CRISPLD1: variants seen among roughly 807,000 people sequenced by gnomAD.
CRISPLD1 encodes cysteine-rich secretory protein LCCL domain-containing 1.
In CRISPLD1, 60 loss-of-function variants were observed where a neutral mutation model predicts 77.5. The ratio of observed to expected loss-of-function variants is 0.77; its 90% CI spans 0.63 to 0.96. The LOEUF (loss-of-function observed/expected upper bound fraction) is 0.96. Among genes scored for constraint, CRISPLD1 ranks in the 40% least tolerant of loss-of-function variants. The probability of loss-of-function intolerance (pLI) is 0.00; values close to 1 mark genes in which losing one functional copy is unlikely to be tolerated. For missense variants in CRISPLD1, 623 were observed against 615.8 expected, an observed-to-expected ratio of 1.01 and a Z score of -0.12; for synonymous variants, 195 against 200.1, an observed-to-expected ratio of 0.97 and a Z score of 0.22.
At chr8:75,002,813 C>A (rs775914107) in intron 2 of CRISPLD1, among the ~76,000 whole-genome samples, 1 of 152,118 alleles carries the variant, frequency 6.6e-6, no homozygotes, top group Non-Finnish European at 1.5e-5. Flanking sequence ...TCTCGTGAGA[C>A]ATAGAACTTG....
Position 75,017,379 on chromosome 8 carries a change from G to A in CRISPLD1, c.1056G>A (p.Trp352Ter). Residue 352 changes from tryptophan to a stop codon, truncating the protein, a stop_gained, in exon 10 of 15, where the codon TGG becomes TGA. Coordinates refer to ENST00000262207, the MANE Select transcript of CRISPLD1 (RefSeq NM_031461.6). LOFTEE classifies it high-confidence loss of function. ...HYGIIDNDGG[W>*]VDITRQGRKH... is the part of the protein sequence containing the mutation. The stretch of plus-strand genomic sequence containing the variant: ...GTATAATAGACAATGATGGTGGCTG[G>A]GTAGATATCACTAGACAAGGAAGAA... 6.2e-7 allele frequency: 1 copy of A among 1,610,948 alleles called. No individual in the cohort carries two copies. The highest frequency in any genetic ancestry group is 8.5e-7 in the Non-Finnish European group (1 of 1,178,466).
rs1459934193 is a variant in CRISPLD1, at chr8:75,033,435, A to G, written c.*1193A>G. 1 of 151,974 alleles carries G rather than the reference A, an allele frequency of 6.6e-6. No individual in the cohort carries two copies. The highest frequency in any genetic ancestry group is 1.9e-4 in the East Asian group (1 of 5,198). The allele number at this position is 151,974 out of a possible 1,614,324, so 9.4% of individuals were successfully genotyped here. A position where few individuals can be genotyped will look rare whatever the true frequency, so the allele number is the denominator to read the frequency against. ...AAATAACATACAATACCAGATGTCT[A>G]CAAAATCGACCTGATTATTTAGGTA... On this transcript the variant is annotated 3_prime_UTR_variant, in exon 15 of 15. Transcript: ENST00000262207.
chr8:75,017,469 T>C lies in CRISPLD1; in HGVS notation c.1127+19T>C, dbSNP rs777720965. On this transcript the variant is annotated intron_variant, in intron 10 of 14. Transcript: ENST00000262207. ...CAATTGGGTAAGTACCAAAATAATC[T>C]TTTGGACCAGATAATTTTAAATTGT... 1.2e-5 allele frequency: 19 copies of C among 1,574,146 alleles called. No homozygotes were observed. In the East Asian group the frequency reaches 4.1e-4, roughly 34 times the overall value.
At chr8:75,015,592 A>G (rs1813013698) in intron 6 of CRISPLD1, among the ~76,000 whole-genome samples, 1 of 152,192 alleles carries the variant, frequency 6.6e-6, no homozygotes, top group South Asian at 2.1e-4. Context: ...TTTCTTGATG[A>G]CTAAAAGAGG....
At position 75,012,738 on chromosome 8, in the gene CRISPLD1, A is replaced by G. The variant is rs139618517; in HGVS notation, c.378-152A>G. On this transcript the variant is annotated intron_variant, in intron 3 of 14. Coordinates refer to ENST00000262207, the MANE Select transcript of CRISPLD1 (RefSeq NM_031461.6). ...TTTTAGACTTTAATGTAAATCATCAATTTATTAGTAATGTAAGGGGCATAA... is the reference window on the plus strand; with the variant it reads ...TTTTAGACTTTAATGTAAATCATCAGTTTATTAGTAATGTAAGGGGCATAA... 4.2e-3 allele frequency: 3,597 copies of G among 858,312 alleles called. 111 individuals are homozygous for G. The East Asian group carries it at 0.059, about 14-fold the overall frequency. 53.2% of individuals were successfully genotyped at this position (858,312 alleles called of 1,614,324 possible). A position where few individuals can be genotyped will look rare whatever the true frequency, so the allele number is the denominator to read the frequency against.
Position 75,017,969 on chromosome 8 carries a change from A to G in CRISPLD1, c.1127+519A>G, listed in dbSNP as rs544282447. On this transcript the variant is annotated intron_variant, in intron 10 of 14. Transcript: ENST00000262207. ...ATTTAATTTTATTAATGTTTCTCCT[A>G]TTAGGTGTACCAAATACCTTATTCG... Among the ~76,000 whole-genome samples, 15 of 152,298 alleles carry G rather than the reference A, an allele frequency of 9.8e-5. No homozygotes were observed. In the South Asian group the frequency reaches 2.7e-3, roughly 27 times the overall value.
intron 2 of CRISPLD1, among the ~76,000 whole-genome samples, chr8:75,003,666 G>A (rs1476454112): frequency 1.3e-5 from 2 of 152,100 alleles, no homozygotes; most frequent in Non-Finnish European, 2.9e-5. Flanking sequence ...AAGAAGTAAA[G>A]AATATGTATA....
At chr8:75,019,948 G>A (rs1178282964) in intron 11 of CRISPLD1, 35 bp downstream of exon 11, 3 of 1,608,092 alleles carry the variant, frequency 1.9e-6, no homozygotes, top group Non-Finnish European at 2.6e-6. Flanking sequence ...TCTTAGTACT[G>A]TGTAGTATGT....
intron 2 of CRISPLD1, among the ~76,000 whole-genome samples, chr8:74,997,537 T>C (rs1812664889): frequency 6.6e-6 from 1 of 152,050 alleles, no homozygotes; most frequent in Non-Finnish European, 1.5e-5. Context: ...AGGTAAAAAA[T>C]ATGGAAATAA....
At chr8:75,003,409 G>A (rs975891143) in intron 2 of CRISPLD1, among the ~76,000 whole-genome samples, 2 of 151,910 alleles carry the variant, frequency 1.3e-5, no homozygotes, top group Admixed American at 6.6e-5. Context: ...ATACACAAAA[G>A]CAATTATTTT....
At chr8:75,031,796 C>T (rs751344461) in intron 14 of CRISPLD1, among the ~76,000 whole-genome samples, 11 of 151,978 alleles carry the variant, frequency 7.2e-5, no homozygotes, top group Non-Finnish European at 1.5e-4. Context: ...ATCTTTTTAG[C>T]TTGTAACCGT....
chr8:75,010,098 T>C (rs1812902507), intron 2 of CRISPLD1, among the ~76,000 whole-genome samples: 1 of 152,150 alleles, frequency 6.6e-6, no homozygotes, highest in African/African-American at 2.4e-5. Flanking sequence ...CTCTTGCTGC[T>C]CTTGTATTTT....
At chr8:75,030,287 A>G (rs1813312133) in intron 14 of CRISPLD1, among the ~76,000 whole-genome samples, 3 of 152,132 alleles carry the variant, frequency 2.0e-5, no homozygotes. Context: ...CCTTCAACAT[A>G]ACCATCTGGG....
chr8:75,000,033 G>GGCA (rs1442700526), intron 2 of CRISPLD1: 2 of 512,548 alleles, frequency 3.9e-6, no homozygotes. Flanking sequence ...GGGGTTGGAA[G>GGCA]GCAGCAACTA....
In CRISPLD1 at chr8:75,012,677, C is replaced by A. The variant is rs150522850; in HGVS notation, c.377+126C>A. On this transcript the variant is annotated intron_variant, in intron 3 of 14. Transcript: ENST00000262207. ...AGAAAAGTAATCACGAAACAAGTAA[C>A]AAAAAATAAATGCCACACCAGAACA... The A allele has an allele frequency of 4.6e-5, 38 of 830,452 alleles. No individual in the cohort carries two copies. In the East Asian group the frequency reaches 9.3e-4, roughly 20 times the overall value. The allele number at this position is 830,452 out of a possible 1,614,324, so 51.4% of individuals were successfully genotyped here. A position where few individuals can be genotyped will look rare whatever the true frequency, so the allele number is the denominator to read the frequency against.
At chr8:75,015,967 T>A (rs183735015) in intron 6 of CRISPLD1, among the ~76,000 whole-genome samples, 50 of 152,292 alleles carry the variant, frequency 3.3e-4, no homozygotes, top group African/African-American at 1.2e-3. Flanking sequence ...AATGTGCCAT[T>A]GTCAAGCCTT....
rs182548988 is a variant in CRISPLD1 at position 75,027,749 on chromosome 8, C to T, written c.1321-1638C>T. ...AATGTGAGAATCAATCAGCCAGACT[C>T]CCTCCCTCCTTCCCTTCTCTTTCTT... On this transcript the variant is annotated intron_variant, in intron 13 of 14. Transcript: ENST00000262207. 2.0e-5 allele frequency among the ~76,000 whole-genome samples: 3 copies of T among 152,128 alleles called. No homozygotes were observed. In the East Asian group the frequency reaches 5.8e-4, roughly 29 times the overall value.
At chr8:75,007,566 T>C (rs1812854498) in intron 2 of CRISPLD1, among the ~76,000 whole-genome samples, 1 of 151,942 alleles carries the variant, frequency 6.6e-6, no homozygotes, top group Admixed American at 6.6e-5. Flanking sequence ...TTTTCAGTTA[T>C]TGTTTGTTTG....
intron 2 of CRISPLD1, among the ~76,000 whole-genome samples, chr8:74,997,364 C>T (rs775400906): frequency 3.3e-5 from 5 of 152,102 alleles, no homozygotes; most frequent in Non-Finnish European, 7.4e-5. Flanking sequence ...CTGGGATGTT[C>T]TTAGGTTTTT....
Sources: allele counts gnomAD v4.1 joint callset (sites outside exome capture counted in the v4.1 genomes callset), GRCh38; gene constraint gnomAD v4.1.1; transcripts MANE v1.5; gene names NCBI Gene and HGNC (gene_info 2026-07-23, HGNC 2026-07-21).